RPS6KA2: variants seen among roughly 807,000 people sequenced by gnomAD.
The protein encoded by RPS6KA2 is ribosomal protein S6 kinase A2, also known as ribosomal protein S6 kinase alpha-2.
In RPS6KA2, 42 loss-of-function variants were observed where a neutral mutation model predicts 91.8. That is an observed-to-expected ratio of 0.46 (90% CI 0.36 to 0.59). RPS6KA2 has a LOEUF of 0.59. Among genes scored for constraint, RPS6KA2 ranks in the 20% least tolerant of loss-of-function variants. RPS6KA2 has a pLI of 0.00. For missense variants in RPS6KA2, 798 were observed against 978.5 expected (o/e 0.82, Z 2.46); for synonymous variants, 414 against 393.6 (o/e 1.05, Z -0.61).
Position 166,665,576 on chromosome 6 carries a change from G to A in RPS6KA2, c.124-126792C>T, listed in dbSNP as rs182115363. On this transcript the variant is annotated intron_variant, in intron 2 of 21. Transcript: ENST00000503859. The surrounding 1 kb of genome is among the most constrained non-coding windows in gnomAD (Gnocchi z 4.5). ...AAGGGACAGCAGCCAGGGCACAGAT[G>A]CAAACTACTTTCAGAAACGTGTTCT... 6.6e-6 allele frequency among the ~76,000 whole-genome samples: 1 copy of A among 152,192 alleles called. No individual in the cohort carries two copies. Among genetic ancestry groups the A allele is most frequent in the Non-Finnish European group, 1.5e-5 (1 of 68,002 alleles).
chr6:166,538,368 C>G (rs1583256079), intron 2 of RPS6KA2, among the ~76,000 whole-genome samples: 1 of 152,134 alleles, frequency 6.6e-6, no homozygotes, highest in Non-Finnish European at 1.5e-5. Context: ...TACATTGGCT[C>G]AGGTCAATAA....
intron 10 of RPS6KA2, among the ~76,000 whole-genome samples, chr6:166,476,001 C>G (rs917343534): frequency 3.3e-5 from 5 of 152,190 alleles, no homozygotes; most frequent in Admixed American, 3.3e-4. Flanking sequence ...TCCCCAATAT[C>G]CCCAATGTCT....
intron 12 of RPS6KA2, among the ~76,000 whole-genome samples, chr6:166,455,136 G>A (rs941453348): frequency 1.3e-5 from 2 of 152,010 alleles, no homozygotes; most frequent in Admixed American, 6.6e-5. Flanking sequence ...CGTCTGTTTA[G>A]GTGCTGTACT....
intron 2 of RPS6KA2, among the ~76,000 whole-genome samples, chr6:166,752,977 C>T (rs1008550224): frequency 6.6e-6 from 1 of 152,184 alleles, no homozygotes; most frequent in Admixed American, 6.5e-5. Context: ...CCATTCCTAC[C>T]GACTATAAGC....
At chr6:166,457,098 T>C (rs1225650137) in intron 12 of RPS6KA2, among the ~76,000 whole-genome samples, 2 of 152,246 alleles carry the variant, frequency 1.3e-5, no homozygotes, top group African/African-American at 4.8e-5. Flanking sequence ...AGACTTTCTT[T>C]CCACATTTTA....
intron 3 of RPS6KA2, among the ~76,000 whole-genome samples, chr6:166,515,749 A>G (rs1467513595): frequency 6.6e-6 from 1 of 152,196 alleles, no homozygotes; most frequent in Non-Finnish European, 1.5e-5. Context: ...GGGCCCCCAC[A>G]TCACTAAGCT....
At chr6:166,537,227 A>G (rs1783509737) in intron 2 of RPS6KA2, among the ~76,000 whole-genome samples, 1 of 152,288 alleles carries the variant, frequency 6.6e-6, no homozygotes. Flanking sequence ...ATGCATGGGC[A>G]ACACCCTTGA....
chr6:166,629,640 T>G (rs915466470), upstream of RPS6KA2, among the ~76,000 whole-genome samples: 1 of 152,182 alleles, frequency 6.6e-6, no homozygotes, highest in African/African-American at 2.4e-5. Context: ...GAAATCCAAA[T>G]TATCCTTACC....
chr6:166,701,867 T>C (rs1399271300), intron 2 of RPS6KA2: 5 of 921,442 alleles, frequency 5.4e-6, no homozygotes, highest in East Asian at 2.5e-5. Context: ...TTCTGGATTA[T>C]ACTGCATCAG....
rs756386899 is a variant in RPS6KA2 at position 166,697,017 on chromosome 6, C to T, written c.124-158233G>A. Among the ~76,000 whole-genome samples, 11 of 152,008 alleles carry T rather than the reference C, an allele frequency of 7.2e-5. No homozygotes were observed. The East Asian group carries it at 7.7e-4, about 11-fold the overall frequency. On this transcript the variant is annotated intron_variant, in intron 2 of 21. Coordinates refer to the RPS6KA2 transcript ENST00000503859. Reference sequence around the variant, plus strand: ...GGACTTGTCTGCCTCCATAGTTGTACGAACCAATTCCTTACAATAAAATCT... The same window carrying T: ...GGACTTGTCTGCCTCCATAGTTGTATGAACCAATTCCTTACAATAAAATCT...
intron 2 of RPS6KA2, among the ~76,000 whole-genome samples, chr6:166,796,373 G>A (rs994175611): frequency 2.0e-5 from 3 of 152,056 alleles, no homozygotes; most frequent in Admixed American, 6.5e-5. Context: ...GGCGGATCAC[G>A]AGGTCAAGAG....
At chr6:166,858,068 G>T in intron 2 of RPS6KA2, 1 of 719,564 alleles carries the variant, frequency 1.4e-6, no homozygotes, top group Non-Finnish European at 2.6e-6. Context: ...GCATGTGTAT[G>T]TATAGAGACA....
At chr6:166,461,379 C>G (rs1780283123) in intron 11 of RPS6KA2, among the ~76,000 whole-genome samples, 1 of 151,972 alleles carries the variant, frequency 6.6e-6, no homozygotes, top group Non-Finnish European at 1.5e-5. Flanking sequence ...TCGGGTGCCA[C>G]GAACAGGCCA....
rs75363471 is a variant in RPS6KA2, at chr6:166,510,243, G to A, written c.379+34C>T. The A allele has an allele frequency of 1.5e-3, 1,925 of 1,322,904 alleles. 12 individuals are homozygous for A. The African/African-American group carries it at 0.019, about 13-fold the overall frequency. 81.9% of individuals were successfully genotyped at this position (1,322,904 alleles called of 1,614,324 possible). A position where few individuals can be genotyped will look rare whatever the true frequency, so the allele number is the denominator to read the frequency against. On this transcript the variant is annotated intron_variant, in intron 4 of 20. Transcript: ENST00000265678. Reference sequence around the variant, plus strand: ...TTTGATCTGGAGAAGGTTGCCCTGGGTCCTCTTTAAAGTGTCATTTTGACT... The same window carrying A: ...TTTGATCTGGAGAAGGTTGCCCTGGATCCTCTTTAAAGTGTCATTTTGACT...
Position 166,626,885 on chromosome 6 carries a change from C to A in RPS6KA2, c.99+36G>T. 1 of 1,443,542 alleles carries A rather than the reference C, an allele frequency of 6.9e-7. No homozygotes were observed. Among genetic ancestry groups the A allele is most frequent in the South Asian group, 1.4e-5 (1 of 72,082 alleles). 89.4% of individuals were successfully genotyped at this position (1,443,542 alleles called of 1,614,324 possible). On this transcript the variant is annotated intron_variant, in intron 1 of 20. Coordinates refer to ENST00000265678, the MANE Select transcript of RPS6KA2 (RefSeq NM_021135.6). This position sits in a 1 kb window ranked among gnomAD's most constrained non-coding sequence, Gnocchi z 4.1. Reference sequence around the variant, plus strand: ...TCGGGCGACCACGGCCCGCTCAGTGCCCGGCACCTGCGCGCCCCGAGGGCG... The same window carrying A: ...TCGGGCGACCACGGCCCGCTCAGTGACCGGCACCTGCGCGCCCCGAGGGCG...
chr6:166,823,504 C>G (rs1013048783), intron 2 of RPS6KA2, among the ~76,000 whole-genome samples: 16 of 149,940 alleles, frequency 1.1e-4, no homozygotes, highest in Non-Finnish European at 4.4e-5. Flanking sequence ...AGAGACACTT[C>G]TTGAAATACT....
chr6:166,706,508 G>A (rs1371713703), intron 2 of RPS6KA2, among the ~76,000 whole-genome samples: 1 of 151,944 alleles, frequency 6.6e-6, no homozygotes, highest in Non-Finnish European at 1.5e-5. Flanking sequence ...GGGGCCTCCT[G>A]CAATTCTTCT....
intron 2 of RPS6KA2, among the ~76,000 whole-genome samples, chr6:166,836,750 T>G (rs1780327708): frequency 6.6e-6 from 1 of 152,154 alleles, no homozygotes; most frequent in African/African-American, 2.4e-5. Flanking sequence ...TGGCTTTTGT[T>G]TGTTTGTTTT....
rs377350122 is a variant in RPS6KA2 at position 166,469,880 on chromosome 6, T to G, written c.933A>C (p.Glu311Asp). The G allele has an allele frequency of 1.9e-6, 3 of 1,614,052 alleles. No homozygotes were observed. In the African/African-American group the frequency reaches 4.0e-5, roughly 22 times the overall value. ...RLGAGIDGVE[E>D]IKRHPFFVTI... ...TCACAAAGAAGGGATGGCGCTTAAT[T>G]TCCTCCACTCCGTCAATGCCAGCAC... The change falls in exon 11 of 21, where the codon GAA (glutamate) becomes GAC (aspartate). Residue 311 changes from glutamate to aspartate, a missense_variant. Physicochemically the swap from Glu to Asp is conservative, Grantham distance 45 (BLOSUM62 2). Transcript: ENST00000265678.
Sources: allele counts gnomAD v4.1 joint callset (sites outside exome capture counted in the v4.1 genomes callset), GRCh38; gene constraint gnomAD v4.1.1; non-coding constraint Gnocchi (gnomAD v3.1); transcripts MANE v1.5; gene names NCBI Gene and HGNC (gene_info 2026-07-23, HGNC 2026-07-21).